AGMO: variants seen among roughly 807,000 people sequenced by gnomAD.
The protein encoded by AGMO is alkylglycerol monooxygenase.
Under a neutral mutation model 60.2 loss-of-function variants are expected in AGMO, and 75 were observed. That is an observed-to-expected ratio of 1.25 (90% CI 1.03 to 1.51). AGMO has a LOEUF of 1.51. AGMO is among the 40% of genes most tolerant of loss of function. The probability of loss-of-function intolerance (pLI) is 0.00; values close to 1 mark genes in which losing one functional copy is unlikely to be tolerated. For synonymous variants in AGMO, 261 were observed against 177.1 expected (o/e 1.47, Z -3.76); for missense variants, 763 against 525.5 (o/e 1.45, Z -4.42).
At chr7:15,364,766 T>C (rs1782906868) in intron 12 of AGMO, among the ~76,000 whole-genome samples, 2 of 152,044 alleles carry the variant, frequency 1.3e-5, no homozygotes, top group South Asian at 4.1e-4. Context: ...ACTGGGTTTT[T>C]CACTGATGCT....
intron 3 of AGMO, among the ~76,000 whole-genome samples, chr7:15,468,592 A>G (rs1782355875): frequency 6.6e-6 from 1 of 152,084 alleles, no homozygotes; most frequent in African/African-American, 2.4e-5. Context: ...TGTAAATTTG[A>G]TAAGAACGTG....
intron 3 of AGMO, among the ~76,000 whole-genome samples, chr7:15,519,370 T>C (rs1289151259): frequency 6.6e-6 from 1 of 150,708 alleles, no homozygotes; most frequent in Non-Finnish European, 1.5e-5. Flanking sequence ...TTCACCAAGG[T>C]TGAAATGAAG....
chr7:15,373,024 G>T (rs568861707), intron 10 of AGMO, among the ~76,000 whole-genome samples: 1 of 152,162 alleles, frequency 6.6e-6, no homozygotes, highest in African/African-American at 2.4e-5. Flanking sequence ...AGCACTTTGG[G>T]AAGCTGAGGT....
At chr7:15,418,422 A>C in intron 5 of AGMO, 136 bp downstream of exon 5, 1 of 611,840 alleles carries the variant, frequency 1.6e-6, no homozygotes, top group South Asian at 2.1e-5. Context: ...AAACGAATAA[A>C]AATGAACAGA....
At chr7:15,348,797 G>A (rs185695388) in intron 12 of AGMO, among the ~76,000 whole-genome samples, 94 of 152,094 alleles carry the variant, frequency 6.2e-4, no homozygotes, top group African/African-American at 1.9e-3. Context: ...TGGTTTAACA[G>A]TAAATGAAAA....
intron 12 of AGMO, among the ~76,000 whole-genome samples, chr7:15,201,805 C>T (rs1056364130): frequency 4.6e-5 from 7 of 152,120 alleles, no homozygotes; most frequent in East Asian, 1.9e-4. Context: ...CTATGAATTT[C>T]GCCCAACGTG....
the AGMO span, among the ~76,000 whole-genome samples, chr7:15,185,404 G>C: frequency 6.6e-6 from 1 of 151,990 alleles, no homozygotes; most frequent in Non-Finnish European, 1.5e-5. Flanking sequence ...ACAAATACTT[G>C]TTGAAAAAAC....
At chr7:15,298,590 C>G (rs1438738695) in intron 12 of AGMO, among the ~76,000 whole-genome samples, 1 of 152,030 alleles carries the variant, frequency 6.6e-6, no homozygotes, top group Non-Finnish European at 1.5e-5. Context: ...TTTGAAGAGA[C>G]TGGGTTTCTC....
At chr7:15,467,862 T>G (rs1026438982) in intron 3 of AGMO, among the ~76,000 whole-genome samples, 5 of 152,148 alleles carry the variant, frequency 3.3e-5, no homozygotes, top group Non-Finnish European at 7.3e-5. Flanking sequence ...GCCCCGGTTT[T>G]AGGGAAATGG....
At chr7:15,442,044 A>G (rs577572192) in intron 3 of AGMO, among the ~76,000 whole-genome samples, 2 of 152,326 alleles carry the variant, frequency 1.3e-5, no homozygotes, top group African/African-American at 4.8e-5. Context: ...CTTTCAGAAT[A>G]GAAACTTTCA....
intron 12 of AGMO, among the ~76,000 whole-genome samples, chr7:15,324,319 T>G (rs1251161764): frequency 6.6e-6 from 1 of 152,154 alleles, no homozygotes; most frequent in African/African-American, 2.4e-5. Context: ...CCCCACGTGT[T>G]TGTCTCCCAA....
intron 5 of AGMO, among the ~76,000 whole-genome samples, chr7:15,410,600 T>C (rs1277453198): frequency 6.6e-6 from 1 of 151,978 alleles, no homozygotes; most frequent in Non-Finnish European, 1.5e-5. Flanking sequence ...ATAATCATGA[T>C]GCCTAAGAGT....
At chr7:15,184,370 A>AGAGAAGGAAGGAAGGGAGGGAG in the AGMO span, among the ~76,000 whole-genome samples, 1 of 4,436 alleles carries the variant, frequency 2.3e-4, no homozygotes, top group African/African-American at 6.9e-4. Flanking sequence ...AAGGAAGGGA[A>AGAGAAGGAAGGAAGGGAGGGAG]GGAAGGAAGG....
intron 12 of AGMO, among the ~76,000 whole-genome samples, chr7:15,225,519 T>G (rs191325638): frequency 6.6e-6 from 1 of 152,120 alleles, no homozygotes; most frequent in Admixed American, 6.6e-5. Flanking sequence ...CTACCAGAAG[T>G]ATAAATGTAT....
chr7:15,322,615 TATATAA>T lies in AGMO; in HGVS notation c.1263+42893_1263+42898del, dbSNP rs1563086567. Among the ~76,000 whole-genome samples, 228 of 62,260 alleles carry T rather than the reference TATATAA, an allele frequency of 3.7e-3. 40 individuals are homozygous for T. The highest frequency in any genetic ancestry group is 6.5e-3 in the African/African-American group (68 of 10,474). The allele number at this position is 62,260 out of a possible 152,430, so 40.8% of individuals were successfully genotyped here. ...ATAAATATATATAAATATATATAAA[TATATAA>T]ATATATATAAATATATATAAATATA... is the stretch of plus-strand genomic sequence containing the variant. On this transcript the variant is annotated intron_variant, in intron 12 of 12. Transcript: ENST00000342526.
chr7:15,459,727 C>T (rs755947157), intron 3 of AGMO, among the ~76,000 whole-genome samples: 49 of 151,666 alleles, frequency 3.2e-4, no homozygotes, highest in Non-Finnish European at 5.7e-4. Context: ...TTTTTTAAAA[C>T]TGCATGGACT....
chr7:15,120,742 A>C, the AGMO span, among the ~76,000 whole-genome samples: 1 of 143,604 alleles, frequency 7.0e-6, no homozygotes, highest in Non-Finnish European at 1.6e-5. Context: ...ACCTGAGCTA[A>C]GATAATATAT....
intron 5 of AGMO, among the ~76,000 whole-genome samples, chr7:15,398,866 C>G (rs1378847540): frequency 6.6e-6 from 1 of 152,146 alleles, no homozygotes; most frequent in Non-Finnish European, 1.5e-5. Flanking sequence ...GTTTAATCAG[C>G]TTGGAATAAG....
intron 12 of AGMO, among the ~76,000 whole-genome samples, chr7:15,260,965 G>C (rs760563041): frequency 6.6e-6 from 1 of 151,988 alleles, no homozygotes. Flanking sequence ...TATTTGAACT[G>C]AATGATAATA....
Sources: allele counts gnomAD v4.1 joint callset (sites outside exome capture counted in the v4.1 genomes callset), GRCh38; gene constraint gnomAD v4.1.1; transcripts MANE v1.5; gene names NCBI Gene and HGNC (gene_info 2026-07-23, HGNC 2026-07-21).